TRHDE: variants seen among roughly 807,000 people sequenced by gnomAD.
The protein encoded by TRHDE is thyrotropin releasing hormone degrading enzyme.
Under a neutral mutation model 125.7 loss-of-function variants are expected in TRHDE, and 72 were observed. That is an observed-to-expected ratio of 0.57 (90% CI 0.47 to 0.70). The LOEUF (loss-of-function observed/expected upper bound fraction) is 0.70. Ranked by LOEUF, TRHDE falls within the 30% of genes least tolerant of loss-of-function variation. The pLI is 0.00. For synonymous variants in TRHDE, 509 were observed against 509.1 expected (o/e 1.00, Z 0.00); for missense variants, 1,110 against 1,327.1 (o/e 0.84, Z 2.54).
chr12:72,373,395 C>T (rs554504619), intron 2 of TRHDE, among the ~76,000 whole-genome samples: 2 of 152,212 alleles, frequency 1.3e-5, no homozygotes, highest in East Asian at 3.9e-4. Flanking sequence ...CTTCTCCTGC[C>T]TCATTGCCCT....
intron 15 of TRHDE, among the ~76,000 whole-genome samples, chr12:72,635,744 A>G (rs1317316420): frequency 1.3e-5 from 2 of 151,750 alleles, no homozygotes; most frequent in Admixed American, 6.6e-5. Flanking sequence ...TCCCAGCACC[A>G]TTTATTAAAT....
intron 2 of TRHDE, among the ~76,000 whole-genome samples, chr12:72,119,562 T>C (rs146443808): frequency 6.6e-6 from 1 of 152,350 alleles, no homozygotes; most frequent in Non-Finnish European, 1.5e-5. Context: ...GTTTGTTTTA[T>C]AGTGCCGATT....
intron 2 of TRHDE, among the ~76,000 whole-genome samples, chr12:72,124,164 A>G (rs143311850): frequency 6.6e-6 from 1 of 152,254 alleles, no homozygotes; most frequent in East Asian, 1.9e-4. Context: ...TTAATGCCTC[A>G]CCATAATTGC....
chr12:72,576,317 G>A (rs1266882347), intron 12 of TRHDE, among the ~76,000 whole-genome samples: 1 of 152,050 alleles, frequency 6.6e-6, no homozygotes, highest in East Asian at 1.9e-4. Flanking sequence ...TTTCTTCTAA[G>A]ATAATCAGGG....
intron 12 of TRHDE, among the ~76,000 whole-genome samples, chr12:72,592,620 GT>G (rs1184835659): frequency 1.3e-5 from 2 of 149,872 alleles, no homozygotes; most frequent in African/African-American, 4.9e-5. Context: ...AATTTTCTTG[GT>G]TGGGTTTGAA....
intron 3 of TRHDE, among the ~76,000 whole-genome samples, chr12:72,448,237 C>T (rs1459107420): frequency 2.6e-5 from 4 of 152,036 alleles, no homozygotes; most frequent in Admixed American, 2.6e-4. Context: ...ACATTTGTTG[C>T]CATCATAGAT....
intron 6 of TRHDE, among the ~76,000 whole-genome samples, chr12:72,527,831 G>GT (rs1189490141): frequency 3.3e-5 from 5 of 152,224 alleles, no homozygotes; most frequent in African/African-American, 1.2e-4. Context: ...ATTTCATCAT[G>GT]TAACTAAATG....
intron 6 of TRHDE, among the ~76,000 whole-genome samples, chr12:72,533,893 A>G (rs1483378991): frequency 2.6e-5 from 4 of 151,836 alleles, no homozygotes; most frequent in Non-Finnish European, 5.9e-5. Flanking sequence ...TCCTCTTTGA[A>G]TACTTTTTGG....
At chr12:72,492,326 A>T (rs980301519) in intron 5 of TRHDE, among the ~76,000 whole-genome samples, 2 of 151,924 alleles carry the variant, frequency 1.3e-5, no homozygotes, top group African/African-American at 4.8e-5. Context: ...CTAACTTTCA[A>T]CTGGTAGAAC....
chr12:72,146,564 G>T (rs927879332), intron 2 of TRHDE, among the ~76,000 whole-genome samples: 1 of 152,196 alleles, frequency 6.6e-6, no homozygotes, highest in Admixed American at 6.5e-5. Context: ...TTTGGTCAAT[G>T]AAAAAGCGTT....
chr12:72,641,304 G>A (rs1428417366), intron 15 of TRHDE, among the ~76,000 whole-genome samples: 1 of 151,900 alleles, frequency 6.6e-6, no homozygotes, highest in African/African-American at 2.4e-5. Context: ...TCTTCTAACA[G>A]TAACAGAATT....
intron 3 of TRHDE, among the ~76,000 whole-genome samples, chr12:72,406,592 T>C (rs952529480): frequency 6.6e-6 from 1 of 152,188 alleles, no homozygotes; most frequent in Non-Finnish European, 1.5e-5. Context: ...TATCTCCTGA[T>C]CTTTTAGAAA....
intron 5 of TRHDE, 24 bp downstream of exon 5, chr12:72,473,204 A>G: frequency 6.3e-7 from 1 of 1,585,848 alleles, no homozygotes; most frequent in Non-Finnish European, 8.7e-7. Context: ...AATTATTTGA[A>G]ACTTTTAGTA....
At chr12:72,282,182 T>C (rs560287330) in intron 1 of TRHDE, among the ~76,000 whole-genome samples, 1 of 152,322 alleles carries the variant, frequency 6.6e-6, no homozygotes, top group South Asian at 2.1e-4. Flanking sequence ...AACAAAATAC[T>C]TGTCCCCATT....
chr12:72,461,778 A>G (rs1194358809), intron 3 of TRHDE, among the ~76,000 whole-genome samples: 1 of 152,208 alleles, frequency 6.6e-6, no homozygotes, highest in Non-Finnish European at 1.5e-5. Flanking sequence ...ATAATGGAAC[A>G]TATTAACCTA....
intron 3 of TRHDE, among the ~76,000 whole-genome samples, chr12:72,400,054 T>C (rs1444646539): frequency 6.6e-6 from 1 of 152,170 alleles, no homozygotes; most frequent in Non-Finnish European, 1.5e-5. Flanking sequence ...TGATTTGTTA[T>C]ATTCTTTTTG....
At chr12:72,595,558 A>C (rs1303166866) in intron 12 of TRHDE, among the ~76,000 whole-genome samples, 1 of 152,156 alleles carries the variant, frequency 6.6e-6, no homozygotes, top group Non-Finnish European at 1.5e-5. Flanking sequence ...AAAAAAGTTA[A>C]GAAATGTTTA....
intron 6 of TRHDE, among the ~76,000 whole-genome samples, chr12:72,533,738 T>G (rs1868698770): frequency 7.4e-6 from 1 of 135,586 alleles, no homozygotes; most frequent in Admixed American, 7.3e-5. Context: ...TTTTTTTTTT[T>G]GCTTTTATGT....
intron 7 of TRHDE, among the ~76,000 whole-genome samples, chr12:72,548,442 GCT>G (rs1308960883): frequency 2.0e-5 from 3 of 151,612 alleles, no homozygotes; most frequent in Admixed American, 1.3e-4. Context: ...ATACAACAAT[GCT>G]TATAGTTAAA....
Sources: gnomAD v4.1 joint callset for allele counts (sites outside exome capture counted in the v4.1 genomes callset) on GRCh38, gnomAD v4.1.1 for gene constraint, MANE v1.5 for transcripts, NCBI Gene and HGNC (gene_info 2026-07-23, HGNC 2026-07-21) for gene names.